Variants in ARHGAP42 observed in about 807,000 individuals in gnomAD.
ARHGAP42 encodes rho GTPase-activating protein 42.
A neutral mutation model predicts 125.0 loss-of-function variants in ARHGAP42; 63 were observed. That is an observed-to-expected ratio of 0.50 (90% CI 0.41 to 0.62). ARHGAP42 has a LOEUF of 0.62. Among genes scored for constraint, ARHGAP42 ranks in the 20% least tolerant of loss-of-function variants. ARHGAP42 has a pLI of 0.00. For synonymous variants in ARHGAP42, 339 were observed against 351.0 expected (o/e 0.97, Z 0.38); for missense variants, 766 against 1,024.2 (o/e 0.75, Z 3.44).
chr11:100,852,058 C>T (rs1865216671), intron 3 of ARHGAP42, among the ~76,000 whole-genome samples: 1 of 152,090 alleles, frequency 6.6e-6, no homozygotes, highest in South Asian at 2.1e-4. Flanking sequence ...TAATTTCTCC[C>T]TGTATTAGTT....
rs1378310268 is a variant in ARHGAP42, at chr11:100,921,235, ATATATATATATTTTTTTTTTTTTT to A, written c.487-257_487-234del. Among the ~76,000 whole-genome samples, 6 of 33,746 alleles carry A rather than the reference ATATATATATATTTTTTTTTTTTTT, an allele frequency of 1.8e-4. No homozygotes were observed. In the East Asian group the frequency reaches 3.4e-3, roughly 19 times the overall value. The allele number at this position is 33,746 out of a possible 152,430, so 22.1% of individuals were successfully genotyped here. ...TATACATATATATATATATATATAT[ATATATATATATTTTTTTTTTTTTT>A]TTTTTTTTTTTTTTACTGCAATGGG... On this transcript the variant is annotated intron_variant, in intron 5 of 23. Coordinates refer to ENST00000298815, the MANE Select transcript of ARHGAP42 (RefSeq NM_152432.4).
At chr11:100,810,387 C>T (rs981170046) in intron 3 of ARHGAP42, among the ~76,000 whole-genome samples, 6 of 152,228 alleles carry the variant, frequency 3.9e-5, no homozygotes, top group African/African-American at 1.4e-4. Flanking sequence ...TGGTTAACCA[C>T]CGGCTGGTCC....
intron 10 of ARHGAP42, among the ~76,000 whole-genome samples, 189 bp from the exon 11 acceptor site, chr11:100,948,268 G>A (rs1868075931): frequency 1.3e-5 from 2 of 151,876 alleles, no homozygotes. Context: ...TTTTTTGCAT[G>A]CCTAGTGATT....
chr11:100,813,717 C>A (rs1864201491), intron 3 of ARHGAP42, among the ~76,000 whole-genome samples: 1 of 152,160 alleles, frequency 6.6e-6, no homozygotes, highest in Non-Finnish European at 1.5e-5. Context: ...AATAAGACTT[C>A]CACAGTGTGT....
At chr11:100,964,849 G>C (rs1565297771) in intron 16 of ARHGAP42, among the ~76,000 whole-genome samples, 1 of 152,136 alleles carries the variant, frequency 6.6e-6, no homozygotes, top group East Asian at 1.9e-4. Flanking sequence ...ATATTTGTAA[G>C]ATAAGGAGAG....
At chr11:100,948,404 GA>G in intron 10 of ARHGAP42, 52 bp from the exon 11 acceptor site, 1 of 1,282,146 alleles carries the variant, frequency 7.8e-7, no homozygotes, top group South Asian at 1.6e-5. Context: ...AGTTAACTGA[GA>G]ATTTAAAAAG....
At chr11:100,881,460 G>A (rs183132652) in intron 4 of ARHGAP42, among the ~76,000 whole-genome samples, 37 of 152,176 alleles carry the variant, frequency 2.4e-4, no homozygotes, top group Admixed American at 5.9e-4. Flanking sequence ...TACCAGTACC[G>A]TGCTGTTTTG....
intron 3 of ARHGAP42, among the ~76,000 whole-genome samples, chr11:100,796,574 C>G (rs138511376): frequency 1.4e-4 from 21 of 152,102 alleles, no homozygotes; most frequent in Admixed American, 2.0e-4. Context: ...AAATAGTTAG[C>G]AAAGTGGTGA....
At chr11:100,936,453 C>T in intron 8 of ARHGAP42, 121 bp downstream of exon 8, 1 of 1,303,592 alleles carries the variant, frequency 7.7e-7, no homozygotes, top group Non-Finnish European at 1.0e-6. Context: ...TTTATATCTA[C>T]TTTCCCCCCA....
chr11:100,787,499 T>C (rs1453247982), intron 2 of ARHGAP42, among the ~76,000 whole-genome samples: 1 of 152,304 alleles, frequency 6.6e-6, no homozygotes, highest in South Asian at 2.1e-4. Flanking sequence ...TAAGTTGTTA[T>C]GCTGGTGAGG....
chr11:100,697,892 A>G (rs569757378), intron 1 of ARHGAP42, among the ~76,000 whole-genome samples: 2 of 152,296 alleles, frequency 1.3e-5, no homozygotes, highest in South Asian at 4.1e-4. Flanking sequence ...AGGGGAAGCA[A>G]ATTAAAGTCA....
chr11:100,789,239 A>G (rs1863506493), intron 2 of ARHGAP42, among the ~76,000 whole-genome samples: 1 of 152,228 alleles, frequency 6.6e-6, no homozygotes. Context: ...ATGTAATTGC[A>G]TTGGTTCAAT....
At chr11:100,979,229 T>C (rs930931815) in intron 22 of ARHGAP42, among the ~76,000 whole-genome samples, 180 bp downstream of exon 22, 1 of 152,104 alleles carries the variant, frequency 6.6e-6, no homozygotes, top group Non-Finnish European at 1.5e-5. Flanking sequence ...CACATTGTTA[T>C]AGTGATGTCT....
chr11:100,851,141 G>A lies in ARHGAP42; in HGVS notation c.313-8413G>A, dbSNP rs560070945. ...AGGTGATCCACCCACCTCGGCCTCCGAAAGTGCTGGGATTACAGGTGTGAG... is the reference window on the plus strand; with the variant it reads ...AGGTGATCCACCCACCTCGGCCTCCAAAAGTGCTGGGATTACAGGTGTGAG... On this transcript the variant is annotated intron_variant, in intron 3 of 23. Coordinates refer to ENST00000298815, the MANE Select transcript of ARHGAP42 (RefSeq NM_152432.4). 5.9e-5 allele frequency among the ~76,000 whole-genome samples: 9 copies of A among 151,920 alleles called. 1 individual carries two copies. The South Asian group carries it at 1.5e-3, about 25-fold the overall frequency.
At chr11:100,784,877 GA>G (rs1361080897) in intron 2 of ARHGAP42, among the ~76,000 whole-genome samples, 2 of 152,278 alleles carry the variant, frequency 1.3e-5, no homozygotes, top group East Asian at 3.9e-4. Context: ...TTTCCTATCT[GA>G]AAAATGCAGA....
chr11:100,883,250 C>G (rs1435917789), intron 4 of ARHGAP42, among the ~76,000 whole-genome samples: 1 of 152,140 alleles, frequency 6.6e-6, no homozygotes, highest in Non-Finnish European at 1.5e-5. Context: ...TTCAACTGAG[C>G]TATTGAAGGA....
At chr11:100,980,556 CTTCTTTTTTT>C (rs1858510031) in intron 22 of ARHGAP42, among the ~76,000 whole-genome samples, 1 of 23,544 alleles carries the variant, frequency 4.2e-5, no homozygotes, top group Non-Finnish European at 7.4e-5. Flanking sequence ...TCTTTTTCTT[CTTCTTTTTTT>C]TTTTTTTTTT....
chr11:100,949,973 G>T lies in ARHGAP42; in HGVS notation c.1162+17G>T. On this transcript the variant is annotated intron_variant, in intron 12 of 23. Transcript: ENST00000298815. ...AAGAAGAAAGTAAGTCATTTTAATA[G>T]TTATTTAAAATTTTATCATGAAGTT... 1.4e-6 allele frequency: 2 copies of T among 1,385,662 alleles called. No homozygotes were observed. The highest frequency in any genetic ancestry group is 9.9e-7 in the Non-Finnish European group (1 of 1,009,540). The allele number at this position is 1,385,662 out of a possible 1,614,324, so 85.8% of individuals were successfully genotyped here. A position where few individuals can be genotyped will look rare whatever the true frequency, so the allele number is the denominator to read the frequency against.
intron 4 of ARHGAP42, among the ~76,000 whole-genome samples, chr11:100,881,804 T>C (rs1305760367): frequency 6.6e-6 from 1 of 151,998 alleles, no homozygotes; most frequent in Non-Finnish European, 1.5e-5. Context: ...CTTGGTTAGG[T>C]GTATTCCTAA....
Sources: allele counts gnomAD v4.1 joint callset (sites outside exome capture counted in the v4.1 genomes callset), GRCh38; gene constraint gnomAD v4.1.1; transcripts MANE v1.5; gene names NCBI Gene and HGNC (gene_info 2026-07-23, HGNC 2026-07-21).